Variants in CFAP418 observed in about 807,000 individuals in gnomAD.
CFAP418 encodes cilia and flagella associated protein 418.
Under a neutral mutation model 24.7 loss-of-function variants are expected in CFAP418, and 27 were observed. The ratio of observed to expected loss-of-function variants is 1.09; its 90% CI spans 0.81 to 1.51. The LOEUF (loss-of-function observed/expected upper bound fraction) is 1.51. CFAP418 is among the 40% of genes most tolerant of loss of function. The pLI, the probability that CFAP418 is intolerant of heterozygous loss-of-function variation, is 0.00. For synonymous variants in CFAP418, 74 were observed against 87.3 expected (o/e 0.85, Z 0.85); for missense variants, 257 against 255.2 (o/e 1.01, Z -0.05).
intron 5 of CFAP418, among the ~76,000 whole-genome samples, chr8:95,251,681 G>A (rs2165498): frequency 0.068 from 10,425 of 152,196 alleles, 556 homozygotes; most frequent in African/African-American, 0.14. Context: ...GAAGTAACAT[G>A]TCCTTATCTA....
At chr8:95,268,669 T>C (rs1014899521) in intron 1 of CFAP418, among the ~76,000 whole-genome samples, 1 of 150,306 alleles carries the variant, frequency 6.7e-6, no homozygotes, top group African/African-American at 2.5e-5. Flanking sequence ...GCCTGAGGGG[T>C]ATCCCGGTCC....
chr8:95,250,443 C>T (rs948658807), intron 5 of CFAP418, among the ~76,000 whole-genome samples: 4 of 152,154 alleles, frequency 2.6e-5, no homozygotes, highest in Admixed American at 1.3e-4. Context: ...CCTCAAGTAC[C>T]GACTAGGTTA....
intron 4 of CFAP418, among the ~76,000 whole-genome samples, chr8:95,257,155 G>A (rs1811803329): frequency 6.6e-6 from 1 of 152,180 alleles, no homozygotes; most frequent in African/African-American, 2.4e-5. Context: ...GGTGACTTGA[G>A]AGATGCCTGG....
At chr8:95,250,112 G>C (rs1811684964) in intron 5 of CFAP418, among the ~76,000 whole-genome samples, 1 of 152,122 alleles carries the variant, frequency 6.6e-6, no homozygotes, top group South Asian at 2.1e-4. Flanking sequence ...CATAGACTAG[G>C]TGCTGAATAA....
intron 2 of CFAP418, among the ~76,000 whole-genome samples, chr8:95,261,228 C>G (rs79492338): frequency 6.6e-6 from 1 of 152,046 alleles, no homozygotes; most frequent in African/African-American, 2.4e-5. Context: ...CAGAGACATG[C>G]CTTCATTTTA....
At chr8:95,251,628 G>A (rs1260659335) in intron 5 of CFAP418, among the ~76,000 whole-genome samples, 1 of 152,130 alleles carries the variant, frequency 6.6e-6, no homozygotes, top group Non-Finnish European at 1.5e-5. Flanking sequence ...AGAGATTGTA[G>A]CCAGAAAAAC....
chr8:95,268,782 G>T (rs1276441377), intron 1 of CFAP418: 2 of 267,160 alleles, frequency 7.5e-6, no homozygotes, highest in Non-Finnish European at 1.4e-5. Flanking sequence ...GGGCGGGGCG[G>T]GGCGGGGCGG....
chr8:95,257,417 A>G (rs1247141947), intron 4 of CFAP418, among the ~76,000 whole-genome samples: 1 of 152,172 alleles, frequency 6.6e-6, no homozygotes, highest in Non-Finnish European at 1.5e-5. Flanking sequence ...AGGCTTCTCC[A>G]GACTCCTAAT....
chr8:95,250,559 T>C (rs1376395988), intron 5 of CFAP418, among the ~76,000 whole-genome samples: 3 of 152,230 alleles, frequency 2.0e-5, no homozygotes, highest in African/African-American at 4.8e-5. Context: ...TGGTGACATA[T>C]GGGGATTATT....
In CFAP418 at chr8:95,265,298, G is replaced by A. The variant is rs569642179; in HGVS notation, c.156-1524C>T. Reference sequence around the variant, plus strand: ...AAATCATCACCAGTCTAGAGATACCGACTTAGTTTAAATTATTTAATCTCT... The same window carrying A: ...AAATCATCACCAGTCTAGAGATACCAACTTAGTTTAAATTATTTAATCTCT... On this transcript the variant is annotated intron_variant, in intron 1 of 5. Coordinates refer to ENST00000286688, the MANE Select transcript of CFAP418 (RefSeq NM_177965.4). Among the ~76,000 whole-genome samples, 11 of 152,186 alleles carry A rather than the reference G, an allele frequency of 7.2e-5. No homozygotes were observed. In the South Asian group the frequency reaches 2.3e-3, roughly 32 times the overall value.
Position 95,246,712 on chromosome 8 carries a change from A to T in CFAP418, c.*905T>A, listed in dbSNP as rs1024735496. The T allele has an allele frequency of 6.6e-6, 1 of 152,194 alleles. No homozygotes were observed. The highest frequency in any genetic ancestry group is 1.5e-5 in the Non-Finnish European group (1 of 68,038). 9.4% of individuals were successfully genotyped at this position (152,194 alleles called of 1,614,324 possible). On this transcript the variant is annotated 3_prime_UTR_variant, in exon 6 of 6. Coordinates refer to ENST00000286688, the MANE Select transcript of CFAP418 (RefSeq NM_177965.4). ...AGCCCAACAGGTTACCTGTTGGTTCAGTTATGCTTTACTTGTCTTTTCACT... is the reference window on the plus strand; with the variant it reads ...AGCCCAACAGGTTACCTGTTGGTTCTGTTATGCTTTACTTGTCTTTTCACT...
At chr8:95,255,438 G>C (rs1176295971) in intron 4 of CFAP418, among the ~76,000 whole-genome samples, 1 of 152,154 alleles carries the variant, frequency 6.6e-6, no homozygotes, top group Non-Finnish European at 1.5e-5. Flanking sequence ...TTTTCATATT[G>C]TGGTTTGATT....
At position 95,245,900 on chromosome 8, in the gene CFAP418, G is replaced by A. The variant is rs1032715440; in HGVS notation, c.*1717C>T. 2 of 152,076 alleles carry A rather than the reference G, an allele frequency of 1.3e-5. No homozygotes were observed. Among genetic ancestry groups the A allele is most frequent in the Admixed American group, 1.3e-4 (2 of 15,272 alleles). The allele number at this position is 152,076 out of a possible 1,614,324, so 9.4% of individuals were successfully genotyped here. A position where few individuals can be genotyped will look rare whatever the true frequency, so the allele number is the denominator to read the frequency against. On this transcript the variant is annotated 3_prime_UTR_variant, in exon 6 of 6. Coordinates refer to ENST00000286688, the MANE Select transcript of CFAP418 (RefSeq NM_177965.4). ...TTTTTTCCAGCAGTCGACTTCAATC[G>A]ACATCCCCCTAGGTTTCTGACTCAA...
chr8:95,257,471 G>A (rs966421881), intron 4 of CFAP418, among the ~76,000 whole-genome samples: 5 of 152,032 alleles, frequency 3.3e-5, no homozygotes, highest in Admixed American at 2.6e-4. Context: ...ATTGTCCTTC[G>A]ATGTAGGCTG....
At chr8:95,252,065 A>G in intron 5 of CFAP418, 123 bp downstream of exon 5, 1 of 671,700 alleles carries the variant, frequency 1.5e-6, no homozygotes, top group Non-Finnish European at 2.7e-6. Context: ...AACGCAGCAC[A>G]TGACTATACT....
At chr8:95,258,415 G>GAAAAAAA (rs1811830076) in intron 4 of CFAP418, among the ~76,000 whole-genome samples, 1 of 145,262 alleles carries the variant, frequency 6.9e-6, no homozygotes. Context: ...AAAAAACAAT[G>GAAAAAAA]AAACAATAGA....
intron 2 of CFAP418, 30 bp from the exon 3 acceptor site, chr8:95,260,562 A>C (rs1239031849): frequency 1.4e-6 from 2 of 1,392,234 alleles, no homozygotes; most frequent in Non-Finnish European, 2.0e-6. Flanking sequence ...ATAAAAGGCC[A>C]TGAGTAACTT....
intron 2 of CFAP418, among the ~76,000 whole-genome samples, chr8:95,263,150 T>C (rs1416430363): frequency 6.6e-6 from 1 of 152,130 alleles, no homozygotes; most frequent in Non-Finnish European, 1.5e-5. Flanking sequence ...GTAAAGCAAA[T>C]GTGGCAAAAC....
chr8:95,252,285 T>C lies in CFAP418; in HGVS notation c.375-2A>G. On this transcript the variant is annotated splice_acceptor_variant, in intron 4 of 5. Coordinates refer to ENST00000286688, the MANE Select transcript of CFAP418 (RefSeq NM_177965.4). LOFTEE classifies it high-confidence loss of function. ...ATACAACGCAGATGGTCACATGCTC[T>C]GTTCAGAGAAAAAAAATTGTATATT... 5.0e-6 allele frequency: 8 copies of C among 1,601,668 alleles called. No individual in the cohort carries two copies. The highest frequency in any genetic ancestry group is 6.8e-6 in the Non-Finnish European group (8 of 1,174,612).
Sources: gnomAD v4.1 joint callset for allele counts (sites outside exome capture counted in the v4.1 genomes callset) on GRCh38, gnomAD v4.1.1 for gene constraint, MANE v1.5 for transcripts, NCBI Gene and HGNC (gene_info 2026-07-23, HGNC 2026-07-21) for gene names.